The following ADAMTS19 variants were observed in gnomAD, a reference collection of about 807,000 sequenced individuals.
The protein encoded by ADAMTS19 is A disintegrin and metalloproteinase with thrombospondin motifs 19.
ADAMTS19 carries 93 observed loss-of-function variants against 153.3 expected under a neutral mutation model. The ratio of observed to expected loss-of-function variants is 0.61; its 90% CI spans 0.51 to 0.72. The LOEUF is 0.72. ADAMTS19 is among the 30% of genes least tolerant of loss of function. The probability of loss-of-function intolerance (pLI) is 0.00; values close to 1 mark genes in which losing one functional copy is unlikely to be tolerated. For missense variants in ADAMTS19, 1,482 were observed against 1,552.1 expected (o/e 0.95, Z 0.76); for synonymous variants, 600 against 556.6 (o/e 1.08, Z -1.10).
At chr5:129,586,722 T>C (rs909967890) in intron 7 of ADAMTS19, among the ~76,000 whole-genome samples, 3 of 152,184 alleles carry the variant, frequency 2.0e-5, no homozygotes, top group African/African-American at 7.2e-5. Context: ...TTATAAGCAA[T>C]TGCCAAACTA....
At chr5:129,660,769 G>C (rs1255587566) in intron 15 of ADAMTS19, among the ~76,000 whole-genome samples, 1 of 152,088 alleles carries the variant, frequency 6.6e-6, no homozygotes, top group East Asian at 1.9e-4. Context: ...AAATATTAAA[G>C]ATTAATAAGG....
rs1311322767 is a variant in ADAMTS19 at position 129,460,313 on chromosome 5, C to G, written c.-79C>G. The G allele has an allele frequency of 1.1e-5, 14 of 1,302,192 alleles. No individual in the cohort carries two copies. The East Asian group carries it at 3.3e-4, about 30-fold the overall frequency. The allele number at this position is 1,302,192 out of a possible 1,614,324, so 80.7% of individuals were successfully genotyped here. On this transcript the variant is annotated 5_prime_UTR_variant, in exon 1 of 23. Coordinates refer to ENST00000274487, the MANE Select transcript of ADAMTS19 (RefSeq NM_133638.6). ...TTCGCCGCCCGGCCTCCTAGCGCTC[C>G]GGGGAGGCCGCTGCGCCCCGGAGTG...
intron 7 of ADAMTS19, among the ~76,000 whole-genome samples, chr5:129,558,319 G>C (rs1038421874): frequency 1.3e-5 from 2 of 152,002 alleles, no homozygotes; most frequent in African/African-American, 4.8e-5. Context: ...TAGTAGGAGA[G>C]TTTAATTGGT....
At chr5:129,728,795 C>T (rs1204745576) in intron 21 of ADAMTS19, among the ~76,000 whole-genome samples, 2 of 151,986 alleles carry the variant, frequency 1.3e-5, no homozygotes. Context: ...TAAATAATCT[C>T]TGGTGTTTGT....
In ADAMTS19 at chr5:129,526,266, T is replaced by G. The variant is rs541019239; in HGVS notation, c.914-18T>G. 1.3e-6 allele frequency: 2 copies of G among 1,541,976 alleles called. No individual in the cohort carries two copies. Among genetic ancestry groups the G allele is most frequent in the Non-Finnish European group, 1.7e-6 (2 of 1,151,176 alleles). ...GCCAATATGAAGGTGCATTGAAAAA[T>G]TCAATTCTCTGTTGCAGATAAAGGA... is the stretch of plus-strand genomic sequence containing the variant. On this transcript the variant is annotated intron_variant, in intron 3 of 22. Coordinates refer to ENST00000274487, the MANE Select transcript of ADAMTS19 (RefSeq NM_133638.6).
chr5:129,672,111 C>T (rs574910659), intron 16 of ADAMTS19, among the ~76,000 whole-genome samples: 1 of 152,184 alleles, frequency 6.6e-6, no homozygotes, highest in East Asian at 1.9e-4. Flanking sequence ...GGCCTTCCTT[C>T]TGAATTGCAT....
At chr5:129,568,015 A>G (rs1753774110) in intron 7 of ADAMTS19, among the ~76,000 whole-genome samples, 1 of 152,208 alleles carries the variant, frequency 6.6e-6, no homozygotes, top group Non-Finnish European at 1.5e-5. Context: ...AGGATTGTCA[A>G]TGTAGAATTC....
At chr5:129,485,727 C>A (rs1750566972) in intron 2 of ADAMTS19, among the ~76,000 whole-genome samples, 1 of 152,080 alleles carries the variant, frequency 6.6e-6, no homozygotes, top group South Asian at 2.1e-4. Flanking sequence ...TTGAAAAATA[C>A]ATATTAAAAA....
chr5:129,676,973 G>A (rs1754578163), intron 16 of ADAMTS19, among the ~76,000 whole-genome samples: 1 of 152,048 alleles, frequency 6.6e-6, no homozygotes, highest in Non-Finnish European at 1.5e-5. Context: ...CCCTAAAAAT[G>A]TACTGAATAC....
chr5:129,518,497 T>G (rs1433155005), intron 3 of ADAMTS19, among the ~76,000 whole-genome samples: 1 of 152,126 alleles, frequency 6.6e-6, no homozygotes, highest in African/African-American at 2.4e-5. Flanking sequence ...TTTTTTTTAC[T>G]TCAGCACAGT....
chr5:129,735,508 A>G (rs1465402), intron 22 of ADAMTS19, among the ~76,000 whole-genome samples: 74,980 of 151,702 alleles, frequency 0.49, 20,713 homozygotes, highest in Non-Finnish European at 0.62. Context: ...TCTGGGTATA[A>G]ATTATTCTTT....
intron 12 of ADAMTS19, among the ~76,000 whole-genome samples, chr5:129,648,480 C>G (rs1349455652): frequency 6.6e-6 from 1 of 152,044 alleles, no homozygotes; most frequent in Non-Finnish European, 1.5e-5. Context: ...TTCTAAGAAC[C>G]AAATTTCTTA....
intron 7 of ADAMTS19, among the ~76,000 whole-genome samples, chr5:129,574,462 C>T (rs1270622034): frequency 6.6e-6 from 1 of 151,888 alleles, no homozygotes; most frequent in Non-Finnish European, 1.5e-5. Context: ...GTGTTGTTCC[C>T]CTCTCTGTGT....
intron 8 of ADAMTS19, among the ~76,000 whole-genome samples, chr5:129,618,828 C>G (rs1751647543): frequency 6.6e-6 from 1 of 151,994 alleles, no homozygotes; most frequent in South Asian, 2.1e-4. Flanking sequence ...TCTGCTTCTT[C>G]AGTACTAACC....
chr5:129,492,806 A>G (rs1280277733), intron 2 of ADAMTS19, among the ~76,000 whole-genome samples: 2 of 152,174 alleles, frequency 1.3e-5, no homozygotes. Context: ...CATAAACTTC[A>G]GTAAAGCCAG....
At chr5:129,479,163 GTA>G (rs1750328072) in intron 2 of ADAMTS19, among the ~76,000 whole-genome samples, 1 of 152,100 alleles carries the variant, frequency 6.6e-6, no homozygotes, top group Non-Finnish European at 1.5e-5. Flanking sequence ...GTGTATGTTT[GTA>G]TATGTCATGA....
chr5:129,548,418 AT>A (rs1366110160), intron 6 of ADAMTS19, among the ~76,000 whole-genome samples: 1 of 152,044 alleles, frequency 6.6e-6, no homozygotes, highest in Non-Finnish European at 1.5e-5. Context: ...CAAAAAACAC[AT>A]GAAAAATGCT....
chr5:129,474,027 A>G (rs73787512), intron 2 of ADAMTS19, among the ~76,000 whole-genome samples: 28,302 of 152,030 alleles, frequency 0.19, 4,175 homozygotes, highest in African/African-American at 0.41. Context: ...GAACAGTTCC[A>G]TCAACTAGAA....
At position 129,526,524 on chromosome 5, in the gene ADAMTS19, T is replaced by A. The variant is rs539058070; in HGVS notation, c.1086+68T>A. 19 of 1,426,242 alleles carry A rather than the reference T, an allele frequency of 1.3e-5. No homozygotes were observed. The Admixed American group carries it at 3.7e-4, about 28-fold the overall frequency. 88.3% of individuals were successfully genotyped at this position (1,426,242 alleles called of 1,614,324 possible). Reference sequence around the variant, plus strand: ...CTCTAAGGAAGACATGTGTGAGTATTTATAATGAAATTCTTTAAAATTAAC... The same window carrying A: ...CTCTAAGGAAGACATGTGTGAGTATATATAATGAAATTCTTTAAAATTAAC... On this transcript the variant is annotated intron_variant, in intron 4 of 22. Coordinates refer to ENST00000274487, the MANE Select transcript of ADAMTS19 (RefSeq NM_133638.6).
Sources: allele counts gnomAD v4.1 joint callset (sites outside exome capture counted in the v4.1 genomes callset), GRCh38; gene constraint gnomAD v4.1.1; transcripts MANE v1.5; gene names NCBI Gene and HGNC (gene_info 2026-07-23, HGNC 2026-07-21).